The following ZNF626 variants were observed in gnomAD, a reference collection of about 807,000 sequenced individuals.
ZNF626 encodes CTC-513N18.7.
ZNF626 carries 4 observed loss-of-function variants against 11.7 expected under a neutral mutation model. That is an observed-to-expected ratio of 0.34 (90% CI 0.17 to 0.78). The LOEUF (loss-of-function observed/expected upper bound fraction) is 0.78, where lower values mean the gene tolerates loss of function less well. Among genes scored for constraint, ZNF626 ranks in the 30% least tolerant of loss-of-function variants. The pLI is 0.57. For missense variants in ZNF626, 588 were observed against 587.1 expected, an observed-to-expected ratio of 1.00 and a Z score of -0.01; for synonymous variants, 179 against 198.6, an observed-to-expected ratio of 0.90 and a Z score of 0.83.
chr19:20,640,996 C>T (rs1281190634), intron 3 of ZNF626, among the ~76,000 whole-genome samples: 1 of 151,936 alleles, frequency 6.6e-6, no homozygotes, highest in Non-Finnish European at 1.5e-5. Flanking sequence ...ACTAGCTGGG[C>T]ATGGTCGTGG....
At position 20,625,694 on chromosome 19, in the gene ZNF626, A is replaced by G. The variant is rs190089264; in HGVS notation, c.227-44T>C. 5.7e-4 allele frequency: 846 copies of G among 1,489,962 alleles called. 4 individuals carry two copies. The Middle Eastern group carries it at 6.5e-3, about 11-fold the overall frequency. The allele number at this position is 1,489,962 out of a possible 1,614,324, so 92.3% of individuals were successfully genotyped here. A position where few individuals can be genotyped will look rare whatever the true frequency, so the allele number is the denominator to read the frequency against. ...ACACATTACTTCAATTGGTAGACTCAGATAAATATAAATATATATATGCAG... is the reference window on the plus strand; with the variant it reads ...ACACATTACTTCAATTGGTAGACTCGGATAAATATAAATATATATATGCAG... On this transcript the variant is annotated intron_variant, in intron 3 of 3. Coordinates refer to ENST00000601440, the MANE Select transcript of ZNF626 (RefSeq NM_001076675.3).
chr19:20,649,004 A>G (rs898526353), intron 1 of ZNF626, among the ~76,000 whole-genome samples: 1 of 152,222 alleles, frequency 6.6e-6, no homozygotes, highest in African/African-American at 2.4e-5. Flanking sequence ...TTAGGGAGGA[A>G]AAACACAAGT....
chr19:20,661,292 G>T, intron 1 of ZNF626, 152 bp downstream of exon 1: 1 of 1,061,076 alleles, frequency 9.4e-7, no homozygotes, highest in Non-Finnish European at 1.4e-6. Flanking sequence ...CCATTTTATG[G>T]CTGAACAGGA....
rs1341274651 is a variant in ZNF626, at chr19:20,621,676, A to T, written c.*2614T>A. ...ATATACTCACAGATAGTAATAATAA[A>T]TTAAGAAAAAAGATTAAAAATTTAA... On this transcript the variant is annotated 3_prime_UTR_variant, in exon 4 of 4. Coordinates refer to ENST00000601440, the MANE Select transcript of ZNF626 (RefSeq NM_001076675.3). 24 of 152,176 alleles carry T rather than the reference A, an allele frequency of 1.6e-4. No homozygotes were observed. Among genetic ancestry groups the T allele is most frequent in the African/African-American group, 5.8e-4 (24 of 41,448 alleles). 9.4% of individuals were successfully genotyped at this position (152,176 alleles called of 1,614,324 possible).
At position 20,625,160 on chromosome 19, in the gene ZNF626, C is replaced by T; in HGVS notation, c.717G>A (p.Lys239=). 1 of 1,612,700 alleles carries T rather than the reference C, an allele frequency of 6.2e-7. No individual in the cohort carries two copies. The highest frequency in any genetic ancestry group is 8.5e-7 in the Non-Finnish European group (1 of 1,179,832). The change falls in exon 4 of 4, where the codon AAG becomes AAA. Residue 239 remains lysine (K), a synonymous_variant. Coordinates refer to ENST00000601440, the MANE Select transcript of ZNF626 (RefSeq NM_001076675.3). ...YKCEECGKAF[K]HSSTLTTHKR... The stretch of plus-strand genomic sequence containing the variant: ...TATGTGTAGTAAGAGTGGAGGAGTG[C>T]TTAAAGGCTTTGCCACATTCTTCAC...
chr19:20,661,341 C>G (rs1555773671), intron 1 of ZNF626, 103 bp downstream of exon 1: 1 of 1,461,636 alleles, frequency 6.8e-7, no homozygotes, highest in African/African-American at 1.4e-5. Flanking sequence ...GGGGAGCAGA[C>G]TGTGGAGCTG....
rs565239354 is a variant in ZNF626, at chr19:20,661,381, C to A, written c.3+63G>T. On this transcript the variant is annotated intron_variant, in intron 1 of 3. Transcript: ENST00000601440. The stretch of plus-strand genomic sequence containing the variant: ...CGGGGAGGCCTGAGTCCCGCCACAG[C>A]CACTTTTCACCGGTTCCAACCAGTC... The A allele has an allele frequency of 7.5e-6, 12 of 1,610,546 alleles. No homozygotes were observed. The East Asian group carries it at 2.5e-4, about 33-fold the overall frequency.
chr19:20,658,098 C>T (rs537815390), intron 1 of ZNF626, among the ~76,000 whole-genome samples: 2 of 148,168 alleles, frequency 1.3e-5, no homozygotes, highest in Non-Finnish European at 1.5e-5. Context: ...AACCAAAAAT[C>T]AAAGCTAAAA....
chr19:20,640,126 T>C (rs1970007016), intron 3 of ZNF626, among the ~76,000 whole-genome samples: 1 of 151,798 alleles, frequency 6.6e-6, no homozygotes, highest in Non-Finnish European at 1.5e-5. Flanking sequence ...TCAACACCGA[T>C]AAAATAAAGT....
At chr19:20,640,024 C>A (rs1555771256) in intron 3 of ZNF626, among the ~76,000 whole-genome samples, 2 of 151,984 alleles carry the variant, frequency 1.3e-5, no homozygotes, top group African/African-American at 2.4e-5. Flanking sequence ...ATGAACCCTT[C>A]TGTATATGAT....
At chr19:20,636,888 G>A (rs1206412217) in intron 3 of ZNF626, among the ~76,000 whole-genome samples, 1 of 151,966 alleles carries the variant, frequency 6.6e-6, no homozygotes, top group Non-Finnish European at 1.5e-5. Flanking sequence ...GGGCATGGTG[G>A]CACATTCCTG....
intron 1 of ZNF626, among the ~76,000 whole-genome samples, chr19:20,650,339 TTC>T (rs782083571): frequency 4.6e-5 from 7 of 152,192 alleles, no homozygotes; most frequent in Non-Finnish European, 5.9e-5. Context: ...GAAAATTTTA[TTC>T]TGTTTATATT....
intron 1 of ZNF626, among the ~76,000 whole-genome samples, chr19:20,653,641 C>CA (rs200611424): frequency 0.028 from 1,143 of 40,310 alleles, 11 homozygotes; most frequent in Middle Eastern, 0.16. Context: ...GCCCTCCCAG[C>CA]AAAAAAAAAA....
chr19:20,624,964 T>C lies in ZNF626; in HGVS notation c.913A>G (p.Ile305Val). 1.2e-6 allele frequency: 2 copies of C among 1,613,906 alleles called. No individual in the cohort carries two copies. Among genetic ancestry groups the C allele is most frequent in the Admixed American group, 1.7e-5 (1 of 60,018 alleles). Residue 305 changes from isoleucine to valine, a missense_variant, in exon 4 of 4, where the codon ATA (isoleucine) becomes GTA (valine). Ile to Val is a conservative substitution (Grantham distance 29). Coordinates refer to ENST00000601440, the MANE Select transcript of ZNF626 (RefSeq NM_001076675.3). Reference sequence around the variant, plus strand: ...TAGGGTTTTTCTCCAGTATGAATTATCTTATGTGTAGTAAGGGTTGAGGAC... The same window carrying C: ...TAGGGTTTTTCTCCAGTATGAATTACCTTATGTGTAGTAAGGGTTGAGGAC... ...NRSSTLTTHK[I>V]IHTGEKPYKC...
intron 1 of ZNF626, 105 bp downstream of exon 1, chr19:20,661,339 G>C: frequency 2.8e-6 from 4 of 1,447,260 alleles, no homozygotes; most frequent in South Asian, 1.1e-5. Context: ...TGGGGGAGCA[G>C]ACTGTGGAGC....
intron 1 of ZNF626, among the ~76,000 whole-genome samples, chr19:20,653,663 A>G (rs529965230): frequency 8.4e-5 from 3 of 35,722 alleles, no homozygotes; most frequent in Admixed American, 2.6e-4. Flanking sequence ...GAAAAAGAAA[A>G]AAAGAAAAAG....
At chr19:20,656,424 C>G (rs935075764) in intron 1 of ZNF626, among the ~76,000 whole-genome samples, 1 of 151,968 alleles carries the variant, frequency 6.6e-6, no homozygotes, top group Non-Finnish European at 1.5e-5. Context: ...GCAACAAAAG[C>G]AAAAACTGAC....
At position 20,659,181 on chromosome 19, in the gene ZNF626, C is replaced by T. The variant is rs1599489987; in HGVS notation, c.3+2263G>A. ...CCTATCACACAGCCAGACACACACT[C>T]TGTACATTTTCTCCTTTTTCTCATT... On this transcript the variant is annotated intron_variant, in intron 1 of 3. Transcript: ENST00000601440. Among the ~76,000 whole-genome samples, 3 of 152,266 alleles carry T rather than the reference C, an allele frequency of 2.0e-5. 1 individual carries two copies. The highest frequency in any genetic ancestry group is 7.2e-5 in the African/African-American group (3 of 41,562).
chr19:20,633,513 G>A (rs944529146), intron 3 of ZNF626, among the ~76,000 whole-genome samples: 6 of 152,198 alleles, frequency 3.9e-5, no homozygotes, highest in East Asian at 3.9e-4. Context: ...GCCCAGCCTC[G>A]CTGCTGCCTT....
Sources: gnomAD v4.1 joint callset for allele counts (sites outside exome capture counted in the v4.1 genomes callset) on GRCh38, gnomAD v4.1.1 for gene constraint, MANE v1.5 for transcripts, NCBI Gene and HGNC (gene_info 2026-07-23, HGNC 2026-07-21) for gene names.